The following PTPRN2 variants were observed in gnomAD, a reference collection of about 807,000 sequenced individuals.
The protein encoded by PTPRN2 is receptor-type tyrosine-protein phosphatase N2.
A neutral mutation model predicts 118.8 loss-of-function variants in PTPRN2; 74 were observed. That is an observed-to-expected ratio of 0.62 (90% CI 0.52 to 0.76). The LOEUF is 0.76. Among genes scored for constraint, PTPRN2 ranks in the 30% least tolerant of loss-of-function variants. The probability of loss-of-function intolerance (pLI) is 0.00; values close to 1 mark genes in which losing one functional copy is unlikely to be tolerated. For synonymous variants in PTPRN2, 641 were observed against 608.0 expected, an observed-to-expected ratio of 1.05 and a Z score of -0.80; for missense variants, 1,481 against 1,394.4, an observed-to-expected ratio of 1.06 and a Z score of -0.99.
intron 2 of PTPRN2, among the ~76,000 whole-genome samples, chr7:158,422,621 C>T (rs971548640): frequency 2.7e-5 from 4 of 146,672 alleles, no homozygotes; most frequent in East Asian, 3.8e-4. Flanking sequence ...CCTGGGCTGA[C>T]GCTGCCGGCT....
chr7:157,876,452 A>G (rs1356495113), intron 12 of PTPRN2, among the ~76,000 whole-genome samples: 4 of 152,334 alleles, frequency 2.6e-5, no homozygotes, highest in African/African-American at 9.6e-5. Flanking sequence ...TCCTGTGGCA[A>G]GTTATCCCTT....
chr7:157,917,801 G>A (rs1798490341), intron 11 of PTPRN2, among the ~76,000 whole-genome samples: 2 of 152,122 alleles, frequency 1.3e-5, no homozygotes, highest in South Asian at 2.1e-4. Context: ...CCTGCGTGGC[G>A]ACGAGGAAAA....
intron 3 of PTPRN2, among the ~76,000 whole-genome samples, chr7:158,259,716 G>T (rs4909159): frequency 0.02 from 3,001 of 147,414 alleles, 9 homozygotes; most frequent in East Asian, 0.059. Flanking sequence ...CGGGTGTACA[G>T]GTATGTGTGT....
rs552622096 is a variant in PTPRN2 at position 157,603,313 on chromosome 7, A to G, written c.2418+689T>C. ...CTCCCCCGACAGGTCATGACAGGGA[A>G]GGGGGATGCCCAGAGTTAAATAGGG... On this transcript the variant is annotated intron_variant, in intron 16 of 22. Transcript: ENST00000389418. The surrounding 1 kb of genome is among the most constrained non-coding windows in gnomAD (Gnocchi z 5.4). Among the ~76,000 whole-genome samples the G allele has an allele frequency of 6.6e-6, 1 of 152,304 alleles. No homozygotes were observed. Among genetic ancestry groups the G allele is most frequent in the Admixed American group, 6.5e-5 (1 of 15,304 alleles).
At chr7:157,635,397 C>T (rs1345885829) in intron 14 of PTPRN2, among the ~76,000 whole-genome samples, 1 of 152,266 alleles carries the variant, frequency 6.6e-6, no homozygotes, top group Non-Finnish European at 1.5e-5. Context: ...TAACAGTCAC[C>T]TTCACTTTGG....
intron 12 of PTPRN2, among the ~76,000 whole-genome samples, chr7:157,741,001 A>G (rs1052721122): frequency 6.6e-6 from 1 of 152,196 alleles, no homozygotes; most frequent in African/African-American, 2.4e-5. Flanking sequence ...AGGAAAAAAT[A>G]ATCAAATAAA....
chr7:158,484,712 C>T (rs1563345937), intron 2 of PTPRN2, among the ~76,000 whole-genome samples: 2 of 152,180 alleles, frequency 1.3e-5, no homozygotes, highest in African/African-American at 2.4e-5. Context: ...TTTTGTGACT[C>T]GGTTTCTTCC....
At chr7:157,541,082 A>C (rs1797991859) in intron 22 of PTPRN2, among the ~76,000 whole-genome samples, 1 of 152,234 alleles carries the variant, frequency 6.6e-6, no homozygotes, top group Non-Finnish European at 1.5e-5. Flanking sequence ...CCACAGAAGC[A>C]GCGAGAAGGC....
At chr7:158,122,016 G>T (rs987175795) in intron 9 of PTPRN2, among the ~76,000 whole-genome samples, 2 of 152,238 alleles carry the variant, frequency 1.3e-5, no homozygotes, top group African/African-American at 4.8e-5. Flanking sequence ...TCCTTAGAAA[G>T]CAGTTGGACG....
At chr7:157,738,650 T>C (rs537291786) in intron 12 of PTPRN2, among the ~76,000 whole-genome samples, 1 of 152,364 alleles carries the variant, frequency 6.6e-6, no homozygotes, top group East Asian at 1.9e-4. Context: ...GGCATTGAAG[T>C]CGTCATCACG....
At chr7:158,465,471 T>C (rs764319159) in intron 2 of PTPRN2, among the ~76,000 whole-genome samples, 3 of 152,230 alleles carry the variant, frequency 2.0e-5, no homozygotes, top group Non-Finnish European at 2.9e-5. Flanking sequence ...ATAACTGTTT[T>C]CACTAACATT....
At chr7:158,459,943 ACAGTGCCTGTGTGCCGTCAGCACAG>A (rs1818855061) in intron 2 of PTPRN2, among the ~76,000 whole-genome samples, 1 of 91,534 alleles carries the variant, frequency 1.1e-5, no homozygotes, top group Admixed American at 1.0e-4. Flanking sequence ...AGTTCCTGCT[ACAGTGCCTGTGTGCCGTCAGCACAG>A]GAGGGTCATC....
Position 158,062,529 on chromosome 7 carries a change from CA to C in PTPRN2, c.1723+18768del, listed in dbSNP as rs1810423326. 8.5e-5 allele frequency among the ~76,000 whole-genome samples: 13 copies of C among 152,324 alleles called. No homozygotes were observed. In the South Asian group the frequency reaches 2.7e-3, roughly 32 times the overall value. The stretch of plus-strand genomic sequence containing the variant: ...CATGGGAGCCCCTCTCTGGGCTGGC[CA>C]AGGCCTGAGCCGGCTCCCTCTGCTT... On this transcript the variant is annotated intron_variant, in intron 11 of 22. Coordinates refer to ENST00000389418, the MANE Select transcript of PTPRN2 (RefSeq NM_002847.5).
intron 2 of PTPRN2, among the ~76,000 whole-genome samples, chr7:158,429,720 C>A (rs543673739): frequency 9.8e-5 from 15 of 152,334 alleles, no homozygotes; most frequent in African/African-American, 3.6e-4. Flanking sequence ...TGGTTTTTCA[C>A]TAATTCATGG....
At position 157,609,501 on chromosome 7, in the gene PTPRN2, C is replaced by T. The variant is rs1252499846; in HGVS notation, c.2345-5426G>A. On this transcript the variant is annotated intron_variant, in intron 15 of 22. Transcript: ENST00000389418. This position sits in a 1 kb window ranked among gnomAD's most constrained non-coding sequence, Gnocchi z 4.9. ...TGGACCCAGTGGCCATCCTGGACCACGGACAGAACAGGGACTACTTTCCCG... is the reference window on the plus strand; with the variant it reads ...TGGACCCAGTGGCCATCCTGGACCATGGACAGAACAGGGACTACTTTCCCG... 5.3e-5 allele frequency among the ~76,000 whole-genome samples: 8 copies of T among 152,160 alleles called. No individual in the cohort carries two copies. The highest frequency in any genetic ancestry group is 1.4e-4 in the African/African-American group (6 of 41,440).
At chr7:158,249,048 C>T (rs1412155355) in intron 3 of PTPRN2, among the ~76,000 whole-genome samples, 5 of 151,914 alleles carry the variant, frequency 3.3e-5, no homozygotes, top group African/African-American at 1.2e-4. Context: ...ACATGCCACA[C>T]ACGTGCACCC....
chr7:158,408,085 A>C (rs1203034278), intron 2 of PTPRN2, among the ~76,000 whole-genome samples: 1 of 152,214 alleles, frequency 6.6e-6, no homozygotes, highest in Non-Finnish European at 1.5e-5. Context: ...CCAAATGCTG[A>C]AGTCAACGTG....
chr7:158,550,363 G>T (rs971873147), intron 1 of PTPRN2, among the ~76,000 whole-genome samples: 6 of 152,186 alleles, frequency 3.9e-5, no homozygotes, highest in East Asian at 1.9e-4. Context: ...GCAGCAGGAC[G>T]CTCCCACATC....
chr7:157,883,621 T>C (rs1796290906), intron 12 of PTPRN2, among the ~76,000 whole-genome samples: 1 of 149,164 alleles, frequency 6.7e-6, no homozygotes, highest in African/African-American at 2.5e-5. Context: ...AAAATGACTG[T>C]TGGAGACCAG....
Sources: gnomAD v4.1 joint callset for allele counts (sites outside exome capture counted in the v4.1 genomes callset) on GRCh38, gnomAD v4.1.1 for gene constraint, Gnocchi (gnomAD v3.1) non-coding constraint, MANE v1.5 for transcripts, NCBI Gene and HGNC (gene_info 2026-07-23, HGNC 2026-07-21) for gene names.